NFIC: variants seen among roughly 807,000 people sequenced by gnomAD.
NFIC encodes the protein nuclear factor 1 C-type.
NFIC carries 12 observed loss-of-function variants against 54.4 expected under a neutral mutation model. The ratio of observed to expected loss-of-function variants is 0.22; its 90% CI spans 0.14 to 0.36. The LOEUF is 0.36. Ranked by LOEUF, NFIC falls within the 10% of genes least tolerant of loss-of-function variation. The pLI, the probability that NFIC is intolerant of heterozygous loss-of-function variation, is 1.00. For missense variants in NFIC, 575 were observed against 718.2 expected, an observed-to-expected ratio of 0.80 and a Z score of 2.28; for synonymous variants, 322 against 319.2, an observed-to-expected ratio of 1.01 and a Z score of -0.09.
intron 3 of NFIC, among the ~76,000 whole-genome samples, chr19:3,433,112 G>A (rs1483811143): frequency 6.6e-6 from 1 of 152,076 alleles, no homozygotes; most frequent in Non-Finnish European, 1.5e-5. Flanking sequence ...CTACAGGCAC[G>A]GACCACAACA....
At chr19:3,384,794 C>T (rs2081266614) in intron 2 of NFIC, among the ~76,000 whole-genome samples, 2 of 151,902 alleles carry the variant, frequency 1.3e-5, no homozygotes, top group African/African-American at 4.8e-5. Flanking sequence ...TGTGAGGGGG[C>T]ACTGGGGACG....
chr19:3,378,266 A>G (rs969100559), intron 1 of NFIC, among the ~76,000 whole-genome samples: 1 of 151,124 alleles, frequency 6.6e-6, no homozygotes. Context: ...TGTCTCAAAA[A>G]AAAAAAAAAA....
chr19:3,448,626 G>A (rs1192296912), intron 6 of NFIC, among the ~76,000 whole-genome samples: 1 of 152,170 alleles, frequency 6.6e-6, no homozygotes, highest in African/African-American at 2.4e-5. Flanking sequence ...AGCCAGTCAG[G>A]GTCTAACTGG....
At chr19:3,457,074 G>A (rs2082570883) in intron 10 of NFIC, among the ~76,000 whole-genome samples, 1 of 152,188 alleles carries the variant, frequency 6.6e-6, no homozygotes, top group African/African-American at 2.4e-5. Context: ...GGTGGCCGGG[G>A]GAAACTGAGG....
Position 3,447,090 on chromosome 19 carries a change from G to C in NFIC, c.959-1924G>C, listed in dbSNP as rs557765345. On this transcript the variant is annotated intron_variant, in intron 6 of 10. Transcript: ENST00000443272. The stretch of plus-strand genomic sequence containing the variant: ...GAGGTGGGTGGATCACCTGAGGCCA[G>C]GAGTTTGAGACCAGCCTGGCCAACA... Among the ~76,000 whole-genome samples, 6 of 152,226 alleles carry C rather than the reference G, an allele frequency of 3.9e-5. 1 individual carries two copies. The highest frequency in any genetic ancestry group is 1.4e-4 in the African/African-American group (6 of 41,542).
At chr19:3,376,656 T>C (rs2081113697) in intron 1 of NFIC, among the ~76,000 whole-genome samples, 1 of 152,022 alleles carries the variant, frequency 6.6e-6, no homozygotes. Flanking sequence ...ATCGCTTGAG[T>C]CTGGGAGTTC....
upstream of NFIC, among the ~76,000 whole-genome samples, chr19:3,365,689 G>A (rs887473289): frequency 6.6e-6 from 1 of 152,310 alleles, no homozygotes; most frequent in Middle Eastern, 3.4e-3. Flanking sequence ...GATACCCAGG[G>A]GGAGGCTGCA....
chr19:3,436,016 C>G (rs1403435968), intron 6 of NFIC, among the ~76,000 whole-genome samples: 2 of 151,822 alleles, frequency 1.3e-5, no homozygotes, highest in African/African-American at 4.8e-5. Flanking sequence ...TTAGTACAGA[C>G]GGGGTTTCAC....
At position 3,381,699 on chromosome 19, in the gene NFIC, C is replaced by T. The variant is rs780100875; in HGVS notation, c.31-13C>T. ...CCCTGGCGCTCCTGACCTCTCGCCT[C>T]TCCGGCCTGCAGGATGAGTTCCACC... On this transcript the variant is annotated splice_polypyrimidine_tract_variant and intron_variant, in intron 1 of 10. Transcript: ENST00000443272. 6.2e-7 allele frequency: 1 copy of T among 1,612,692 alleles called. No individual in the cohort carries two copies. The highest frequency in any genetic ancestry group is 1.1e-5 in the South Asian group (1 of 91,022).
chr19:3,385,234 G>T (rs1451733664), intron 2 of NFIC, among the ~76,000 whole-genome samples: 1 of 147,530 alleles, frequency 6.8e-6, no homozygotes. Context: ...GCCCACTGCG[G>T]GTGCTCCAGC....
At chr19:3,422,029 G>A (rs779422460) in intron 2 of NFIC, among the ~76,000 whole-genome samples, 26 of 151,984 alleles carry the variant, frequency 1.7e-4, no homozygotes, top group African/African-American at 2.4e-4. Flanking sequence ...CTCCGCCTCC[G>A]GGGTTCGAGC....
At chr19:3,427,173 G>A (rs924488993) in intron 3 of NFIC, among the ~76,000 whole-genome samples, 12 of 152,098 alleles carry the variant, frequency 7.9e-5, no homozygotes, top group African/African-American at 2.4e-4. Flanking sequence ...TGATGCACCC[G>A]CCTCGGCCTC....
intron 2 of NFIC, among the ~76,000 whole-genome samples, chr19:3,404,083 G>A (rs1390846037): frequency 1.3e-5 from 2 of 150,894 alleles, no homozygotes; most frequent in Middle Eastern, 3.2e-3. Context: ...GTGCGTGTGC[G>A]TTCAGCCCGT....
rs533579128 is a variant in NFIC at position 3,379,630 on chromosome 19, G to A, written c.31-2082G>A. The stretch of plus-strand genomic sequence containing the variant: ...CAAAGTGCTGGGATTACAGGCGTGA[G>A]CCACTGCGCCCAGCCTCATTTTTCA... On this transcript the variant is annotated intron_variant, in intron 1 of 10. Coordinates refer to ENST00000443272, the MANE Select transcript of NFIC (RefSeq NM_001245002.2). Among the ~76,000 whole-genome samples the A allele has an allele frequency of 2.3e-3, 345 of 150,176 alleles. 1 individual carries two copies. Among genetic ancestry groups the A allele is most frequent in the Non-Finnish European group, 4.1e-3 (280 of 67,726 alleles).
chr19:3,444,227 T>C (rs1056684374), intron 6 of NFIC, among the ~76,000 whole-genome samples: 1 of 147,622 alleles, frequency 6.8e-6, no homozygotes, highest in African/African-American at 2.5e-5. Context: ...TCCGTCGGGG[T>C]GATGAGGGCC....
chr19:3,366,190 G>A (rs951389761), upstream of NFIC, among the ~76,000 whole-genome samples: 2 of 151,806 alleles, frequency 1.3e-5, no homozygotes, highest in Non-Finnish European at 2.9e-5. Flanking sequence ...GGGTCGCCCT[G>A]CAGTCCTGGG....
At chr19:3,431,151 G>A (rs1197956698) in intron 3 of NFIC, among the ~76,000 whole-genome samples, 2 of 151,296 alleles carry the variant, frequency 1.3e-5, no homozygotes. Context: ...ATCTCGGCCT[G>A]TAGCTGGGAC....
intron 10 of NFIC, among the ~76,000 whole-genome samples, chr19:3,460,804 G>A (rs943102184): frequency 2.7e-5 from 4 of 150,582 alleles, no homozygotes; most frequent in Admixed American, 6.6e-5. Flanking sequence ...ATGAGCCACC[G>A]AGCCCAGCCT....
chr19:3,383,014 G>C (rs577549485), intron 2 of NFIC, among the ~76,000 whole-genome samples: 1 of 152,188 alleles, frequency 6.6e-6, no homozygotes, highest in East Asian at 1.9e-4. Flanking sequence ...GTCTGAGGGA[G>C]GAGGCAGGAA....
Sources: gnomAD v4.1 joint callset for allele counts (sites outside exome capture counted in the v4.1 genomes callset) on GRCh38, gnomAD v4.1.1 for gene constraint, MANE v1.5 for transcripts, NCBI Gene and HGNC (gene_info 2026-07-23, HGNC 2026-07-21) for gene names.